Variants in FMNL1 observed in about 807,000 individuals in gnomAD.
FMNL1 encodes formin like 1, also known as formin-like protein 1.
A neutral mutation model predicts 121.3 loss-of-function variants in FMNL1; 43 were observed. The ratio of observed to expected loss-of-function variants is 0.35; its 90% CI spans 0.28 to 0.46. The LOEUF (loss-of-function observed/expected upper bound fraction) is 0.46. Among genes scored for constraint, FMNL1 ranks in the 20% least tolerant of loss-of-function variants. The pLI is 1.00. For synonymous variants in FMNL1, 613 were observed against 613.5 expected, an observed-to-expected ratio of 1.00 and a Z score of 0.01; for missense variants, 1,191 against 1,482.4, an observed-to-expected ratio of 0.80 and a Z score of 3.23.
rs1231062141 is a variant in FMNL1, at chr17:45,242,415, C to T, written c.1960C>T (p.Gln654Ter). ...GAACTGGGTGGCACTGAAACCCAGCCAGATCACCGGCACTGTCTTCACAGA... is the reference window on the plus strand; with the variant it reads ...GAACTGGGTGGCACTGAAACCCAGCTAGATCACCGGCACTGTCTTCACAGA... ...LLNWVALKPS[Q>*]ITGTVFTELN... The change falls in exon 16 of 27, where the codon CAG becomes TAG. Residue 654 changes from glutamine (Q) to a stop codon, truncating the protein, a stop_gained. Transcript: ENST00000331495. LOFTEE classifies it high-confidence loss of function. 6.2e-7 allele frequency: 1 copy of T among 1,614,136 alleles called. No homozygotes were observed. Among genetic ancestry groups the T allele is most frequent in the Non-Finnish European group, 8.5e-7 (1 of 1,179,964 alleles).
intron 1 of FMNL1, among the ~76,000 whole-genome samples, chr17:45,227,797 T>G (rs925142616): frequency 3.3e-5 from 5 of 152,076 alleles, no homozygotes; most frequent in Non-Finnish European, 7.4e-5. Context: ...GCTCCGTGAG[T>G]GTGAGGCTCC....
In FMNL1 at chr17:45,237,259, C is replaced by G; in HGVS notation, c.724-22C>G. On this transcript the variant is annotated intron_variant, in intron 7 of 26. Transcript: ENST00000331495. This position sits in a 1 kb window ranked among gnomAD's most constrained non-coding sequence, Gnocchi z 4.4. ...TCCTGGGGGGCCCTTCCTGGAGACACTGACCTCTCCTCTCTCCCCAGTCTG... is the reference window on the plus strand; with the variant it reads ...TCCTGGGGGGCCCTTCCTGGAGACAGTGACCTCTCCTCTCTCCCCAGTCTG... 3 of 1,613,166 alleles carry G rather than the reference C, an allele frequency of 1.9e-6. No individual in the cohort carries two copies. Among genetic ancestry groups the G allele is most frequent in the Non-Finnish European group, 1.7e-6 (2 of 1,179,090 alleles).
chr17:45,232,760 T>G (rs550051130), intron 3 of FMNL1: 1 of 585,976 alleles, frequency 1.7e-6, no homozygotes, highest in Admixed American at 2.3e-5. Flanking sequence ...CATACATAGG[T>G]GTGTGTGTAT....
chr17:45,229,219 C>T lies in FMNL1; in HGVS notation c.130-1385C>T, dbSNP rs958516385. Reference sequence around the variant, plus strand: ...CAGCCGCTGGGGGCGGGGGGCCTGGCGGAGGGGCAGTTTCACCTCTCCAGC... The same window carrying T: ...CAGCCGCTGGGGGCGGGGGGCCTGGTGGAGGGGCAGTTTCACCTCTCCAGC... On this transcript the variant is annotated intron_variant, in intron 1 of 26. Coordinates refer to ENST00000331495, the MANE Select transcript of FMNL1 (RefSeq NM_005892.4). 3.1e-4 allele frequency among the ~76,000 whole-genome samples: 47 copies of T among 152,346 alleles called. 2 individuals carry two copies. Among genetic ancestry groups the T allele is most frequent in the Admixed American group, 9.1e-4 (14 of 15,306 alleles).
In FMNL1 at chr17:45,236,177, G is replaced by A. The variant is rs1235140964; in HGVS notation, c.656G>A (p.Arg219His). The change falls in exon 7 of 27, where the codon CGC (arginine) becomes CAC (histidine). Residue 219 changes from arginine (R) to histidine (H), a missense_variant. Physicochemically the swap from Arg to His is conservative, Grantham distance 29. Around this residue, in one of 4 missense-constraint regions of FMNL1, gnomAD observed 253 missense variants for 417.5 expected, o/e 0.61. Coordinates refer to ENST00000331495, the MANE Select transcript of FMNL1 (RefSeq NM_005892.4). The stretch of plus-strand genomic sequence containing the variant: ...AGCAGGAAGGCCCTGCGGAATTCCC[G>A]CATCGTCAGCCAGAAGGACGACGTC... ...AHSRKALRNS[R>H]IVSQKDDVHV... is the part of the protein sequence containing the mutation. The A allele has an allele frequency of 1.2e-6, 2 of 1,613,668 alleles. No homozygotes were observed. The highest frequency in any genetic ancestry group is 1.7e-6 in the Non-Finnish European group (2 of 1,180,006).
In FMNL1 at chr17:45,237,237, TG is replaced by T; in HGVS notation, c.724-38del. On this transcript the variant is annotated intron_variant, in intron 7 of 26. Coordinates refer to ENST00000331495, the MANE Select transcript of FMNL1 (RefSeq NM_005892.4). This position sits in a 1 kb window ranked among gnomAD's most constrained non-coding sequence, Gnocchi z 4.4. ...CACGTGGCGTGGGTGCCTGAAGTCC[TG>T]GGGGGCCCTTCCTGGAGACACTGAC... 1.9e-6 allele frequency: 3 copies of T among 1,602,088 alleles called. No individual in the cohort carries two copies. Among genetic ancestry groups the T allele is most frequent in the Non-Finnish European group, 2.6e-6 (3 of 1,169,326 alleles).
chr17:45,246,531 C>A lies in FMNL1; in HGVS notation c.3238C>A (p.Arg1080Ser). The change falls in exon 26 of 27, where the codon CGC becomes AGC. Residue 1080 changes from arginine to serine, a missense_variant. Physicochemically the swap from Arg to Ser is moderately radical, Grantham distance 110. Around this residue, in one of 4 missense-constraint regions of FMNL1, gnomAD observed 367 missense variants for 528.6 expected, o/e 0.69. Coordinates refer to ENST00000331495, the MANE Select transcript of FMNL1 (RefSeq NM_005892.4). ...TVIKTVPFTARTGKRTSRLLC... is the reference protein window; with the variant it reads ...TVIKTVPFTASTGKRTSRLLC... Reference sequence around the variant, plus strand: ...GATCAAGACGGTGCCCTTCACGGCCCGCACCGGCAAGCGGACATCCCGGCT... The same window carrying A: ...GATCAAGACGGTGCCCTTCACGGCCAGCACCGGCAAGCGGACATCCCGGCT... The A allele has an allele frequency of 6.2e-7, 1 of 1,614,052 alleles. No homozygotes were observed. The highest frequency in any genetic ancestry group is 8.5e-7 in the Non-Finnish European group (1 of 1,179,910).
Position 45,230,747 on chromosome 17 carries a change from C to T in FMNL1, c.213+60C>T. On this transcript the variant is annotated intron_variant, in intron 2 of 26. Coordinates refer to ENST00000331495, the MANE Select transcript of FMNL1 (RefSeq NM_005892.4). ...CCCACTGTCAGTACCCCACCCTGAC[C>T]AGGCTGGGGCTATGGGGAGAGGGGC... is the stretch of plus-strand genomic sequence containing the variant. 5 of 1,560,200 alleles carry T rather than the reference C, an allele frequency of 3.2e-6. 1 individual carries two copies. The South Asian group carries it at 5.7e-5, about 18-fold the overall frequency.
rs768034689 is a variant in FMNL1, at chr17:45,243,967, G to T, written c.2390G>T (p.Arg797Leu). 8.7e-6 allele frequency: 14 copies of T among 1,612,858 alleles called. No individual in the cohort carries two copies. The African/African-American group carries it at 1.6e-4, about 18-fold the overall frequency. The stretch of plus-strand genomic sequence containing the variant: ...AGCCGCATCCCGCGCCTGCCGGAGC[G>T]CATGACCACACTCACCTTCCTGGGC... ...CFSRIPRLPE[R>L]MTTLTFLGNF... The change falls in exon 18 of 27, where the codon CGC becomes CTC. Residue 797 changes from arginine (R) to leucine (L), a missense_variant. Physicochemically the swap from Arg to Leu is moderately radical, Grantham distance 102. Around this residue, in one of 4 missense-constraint regions of FMNL1, gnomAD observed 367 missense variants for 528.6 expected, o/e 0.69. Coordinates refer to ENST00000331495, the MANE Select transcript of FMNL1 (RefSeq NM_005892.4).
Position 45,242,189 on chromosome 17 carries a change from T to G in FMNL1, c.1885+43T>G. ...CCTTGGGCCCGGGGCTGGGGGGAGA[T>G]GGAGGGAGGGGCCTGGGCCTCAGTG... On this transcript the variant is annotated intron_variant, in intron 15 of 26. Coordinates refer to ENST00000331495, the MANE Select transcript of FMNL1 (RefSeq NM_005892.4). 6.5e-6 allele frequency: 10 copies of G among 1,529,060 alleles called. No individual in the cohort carries two copies. In the South Asian group the frequency reaches 1.1e-4, roughly 17 times the overall value. 94.7% of individuals were successfully genotyped at this position (1,529,060 alleles called of 1,614,324 possible). A position where few individuals can be genotyped will look rare whatever the true frequency, so the allele number is the denominator to read the frequency against.
chr17:45,246,346 G>C lies in FMNL1; in HGVS notation c.3211+16G>C, dbSNP rs750963193. The C allele has an allele frequency of 6.2e-7, 1 of 1,614,070 alleles. No homozygotes were observed. The highest frequency in any genetic ancestry group is 1.1e-5 in the South Asian group (1 of 91,084). On this transcript the variant is annotated intron_variant, in intron 25 of 26. Coordinates refer to ENST00000331495, the MANE Select transcript of FMNL1 (RefSeq NM_005892.4). Reference sequence around the variant, plus strand: ...ATCATCACAGGTAAGGGCTTGGCCAGGCCTTGGTCTTATCCTCAGTCTGTC... The same window carrying C: ...ATCATCACAGGTAAGGGCTTGGCCACGCCTTGGTCTTATCCTCAGTCTGTC...
At chr17:45,225,498 G>A (rs774231479) in intron 1 of FMNL1, among the ~76,000 whole-genome samples, 2 of 152,198 alleles carry the variant, frequency 1.3e-5, no homozygotes, top group Non-Finnish European at 2.9e-5. Context: ...GCAGAGGGGA[G>A]GGGTGACATT....
intron 26 of FMNL1, 76 bp downstream of exon 26, chr17:45,246,680 C>T (rs779745129): frequency 1.4e-4 from 207 of 1,428,732 alleles, no homozygotes; most frequent in Non-Finnish European, 1.9e-4. Flanking sequence ...AGGCATGCTG[C>T]CTTCTCCTGG....
At chr17:45,224,427 T>A (rs1217361107) in intron 1 of FMNL1, among the ~76,000 whole-genome samples, 1 of 152,170 alleles carries the variant, frequency 6.6e-6, no homozygotes, top group East Asian at 1.9e-4. Context: ...TCGGTCAGTG[T>A]CTAAGAGGAG....
At chr17:45,243,088 CA>C in intron 16 of FMNL1, 29 bp from the exon 17 acceptor site, 2 of 1,611,980 alleles carry the variant, frequency 1.2e-6, no homozygotes, top group Non-Finnish European at 1.7e-6. Context: ...CAGCCCCACC[CA>C]GCTCCGCCTC....
Position 45,241,017 on chromosome 17 carries a change from G to C in FMNL1, c.1231-112G>C. 7.4e-7 allele frequency: 1 copy of C among 1,354,412 alleles called. No individual in the cohort carries two copies. The highest frequency in any genetic ancestry group is 1.0e-6 in the Non-Finnish European group (1 of 967,592). 83.9% of individuals were successfully genotyped at this position (1,354,412 alleles called of 1,614,324 possible). On this transcript the variant is annotated intron_variant, in intron 12 of 26. Transcript: ENST00000331495. The surrounding 1 kb of genome is among the most constrained non-coding windows in gnomAD (Gnocchi z 7.0). The stretch of plus-strand genomic sequence containing the variant: ...CCCACCCTTGGCACCTGGGCTGAGC[G>C]GATCTGGGAGCCTCCCCCAGTCTTC...
chr17:45,223,292 C>T (rs1428306570), intron 1 of FMNL1, among the ~76,000 whole-genome samples: 1 of 152,172 alleles, frequency 6.6e-6, no homozygotes, highest in Non-Finnish European at 1.5e-5. Context: ...AGACACAGGC[C>T]GCAGAGGGTT....
rs368818105 is a variant in FMNL1, at chr17:45,241,205, C to A, written c.1307C>A (p.Ala436Glu). The part of the protein sequence containing the change: ...IAELEKQLSQ[A>E]RKELETLRER... ...GAACTGGAAAAACAGCTAAGCCAGG[C>A]GCGCAAGGAGTTGGAGACCCTGCGG... The change falls in exon 13 of 27, where the codon GCG becomes GAG. Residue 436 changes from alanine (A) to glutamate (E), a missense_variant. This residue lies in a region of FMNL1 where 519 missense variants were observed against 492.8 expected (regional missense o/e 1.05). Coordinates refer to ENST00000331495, the MANE Select transcript of FMNL1 (RefSeq NM_005892.4). This position sits in a 1 kb window ranked among gnomAD's most constrained non-coding sequence, Gnocchi z 7.0. 1.2e-6 allele frequency: 2 copies of A among 1,614,116 alleles called. No individual in the cohort carries two copies. The highest frequency in any genetic ancestry group is 1.7e-6 in the Non-Finnish European group (2 of 1,179,988).
In FMNL1 at chr17:45,246,909, G is replaced by A. The variant is rs537661297; in HGVS notation, c.*51G>A. On this transcript the variant is annotated 3_prime_UTR_variant, in exon 27 of 27. Coordinates refer to ENST00000331495, the MANE Select transcript of FMNL1 (RefSeq NM_005892.4). ...TACATCCGCGCAGACACAGGCCGCC[G>A]CAGTGCCCGTCGGCGTCCCCCGGGC... is the stretch of plus-strand genomic sequence containing the variant. The A allele has an allele frequency of 1.3e-6, 1 of 757,628 alleles. No individual in the cohort carries two copies. 46.9% of individuals were successfully genotyped at this position (757,628 alleles called of 1,614,324 possible).
Sources: gnomAD v4.1 joint callset for allele counts (sites outside exome capture counted in the v4.1 genomes callset) on GRCh38, gnomAD v4.1.1 for gene constraint, gnomAD v4.1.1 regional missense constraint, Gnocchi (gnomAD v3.1) non-coding constraint, MANE v1.5 for transcripts, NCBI Gene and HGNC (gene_info 2026-07-23, HGNC 2026-07-21) for gene names.